COPA: variants seen among roughly 807,000 people sequenced by gnomAD.
COPA encodes the protein coatomer subunit alpha.
Under a neutral mutation model 158.7 loss-of-function variants are expected in COPA, and 10 were observed. The observed-to-expected ratio is 0.06, with a 90% CI of 0.04 to 0.11. COPA has a LOEUF of 0.11. COPA is among the 10% of genes least tolerant of loss of function. The pLI, the probability that COPA is intolerant of heterozygous loss-of-function variation, is 1.00. For synonymous variants in COPA, 462 were observed against 542.8 expected, an observed-to-expected ratio of 0.85 and a Z score of 2.07; for missense variants, 1,065 against 1,536.7, an observed-to-expected ratio of 0.69 and a Z score of 5.13.
chr1:160,331,419 G>A (rs184971832), intron 6 of COPA, among the ~76,000 whole-genome samples: 26 of 151,902 alleles, frequency 1.7e-4, no homozygotes, highest in Non-Finnish European at 3.5e-4. Context: ...TTGGGAGGCT[G>A]AGGCAGGAGA....
chr1:160,301,869 T>A (rs1658616914), intron 17 of COPA, among the ~76,000 whole-genome samples: 1 of 151,600 alleles, frequency 6.6e-6, no homozygotes, highest in South Asian at 2.1e-4. Context: ...AAAAAAAAAC[T>A]CTTAGCAAAA....
chr1:160,335,367 C>CCCT (rs1477977075), intron 3 of COPA, 45 bp from the exon 4 acceptor site: 4 of 1,493,588 alleles, frequency 2.7e-6, no homozygotes, highest in Non-Finnish European at 2.7e-6. Flanking sequence ...GTTATTGAGC[C>CCCT]TCTAAAAGGC....
chr1:160,309,238 A>G (rs2101840968), intron 12 of COPA, 62 bp from the exon 13 acceptor site: 2 of 1,262,074 alleles, frequency 1.6e-6, no homozygotes, highest in South Asian at 1.2e-5. Flanking sequence ...CAGTTTTCCA[A>G]TTTACTCTGA....
intron 7 of COPA, 85 bp from the exon 8 acceptor site, chr1:160,323,615 AT>A: frequency 9.6e-7 from 1 of 1,039,218 alleles, no homozygotes; most frequent in Non-Finnish European, 1.4e-6. Context: ...GTTGTAAAAA[AT>A]GTCTCTGATT....
chr1:160,336,578 T>A (rs1433421904), intron 3 of COPA, among the ~76,000 whole-genome samples: 1 of 152,076 alleles, frequency 6.6e-6, no homozygotes, highest in Admixed American at 6.5e-5. Context: ...ACTACCAAAG[T>A]ACTAGGCATC....
At chr1:160,338,632 T>A (rs978458511) in intron 3 of COPA, among the ~76,000 whole-genome samples, 1 of 152,182 alleles carries the variant, frequency 6.6e-6, no homozygotes, top group Admixed American at 6.5e-5. Context: ...TCTGTCTGCT[T>A]CCTCATTTCA....
chr1:160,306,263 A>C, intron 15 of COPA, 91 bp downstream of exon 15: 1 of 1,457,612 alleles, frequency 6.9e-7, no homozygotes. Context: ...AAGCCACAAG[A>C]CAAACTCACT....
At chr1:160,297,214 G>A in intron 21 of COPA, 129 bp downstream of exon 21, 1 of 793,082 alleles carries the variant, frequency 1.3e-6, no homozygotes, top group Non-Finnish European at 2.1e-6. Flanking sequence ...CACAGTAGGA[G>A]CATGTTGTCT....
intron 17 of COPA, 144 bp from the exon 18 acceptor site, chr1:160,299,408 T>A: frequency 1.4e-6 from 1 of 728,764 alleles, no homozygotes; most frequent in Non-Finnish European, 2.2e-6. Flanking sequence ...AGAGCAGAAC[T>A]AAATGCCAAA....
chr1:160,297,784 C>T (rs762665081), intron 19 of COPA, 39 bp from the exon 20 acceptor site: 6 of 1,593,610 alleles, frequency 3.8e-6, no homozygotes, highest in Middle Eastern at 1.7e-4. Flanking sequence ...GGTTGAAGGA[C>T]AATGTGACTC....
chr1:160,316,911 G>A (rs768899132), intron 8 of COPA, among the ~76,000 whole-genome samples: 1 of 152,094 alleles, frequency 6.6e-6, no homozygotes, highest in Non-Finnish European at 1.5e-5. Flanking sequence ...TCCAACCCAA[G>A]TAAGACTACC....
intron 10 of COPA, among the ~76,000 whole-genome samples, chr1:160,312,245 G>A (rs1458666111): frequency 1.3e-5 from 2 of 152,038 alleles, no homozygotes; most frequent in East Asian, 3.8e-4. Flanking sequence ...TATCCACACT[G>A]CCCTTTTCTG....
chr1:160,320,435 C>T (rs1659293346), intron 8 of COPA, among the ~76,000 whole-genome samples: 1 of 151,502 alleles, frequency 6.6e-6, no homozygotes, highest in South Asian at 2.1e-4. Flanking sequence ...CATGGCAAAA[C>T]CCTGTCTCTA....
At chr1:160,307,539 AC>A (rs1186282973) in intron 13 of COPA, among the ~76,000 whole-genome samples, 1 of 152,124 alleles carries the variant, frequency 6.6e-6, no homozygotes, top group Non-Finnish European at 1.5e-5. Context: ...GAGACAGCAC[AC>A]TCCATCAAGC....
At chr1:160,299,912 A>G (rs1260461552) in intron 17 of COPA, among the ~76,000 whole-genome samples, 4 of 152,224 alleles carry the variant, frequency 2.6e-5, no homozygotes, top group Non-Finnish European at 4.4e-5. Context: ...ACTACAGTAG[A>G]GAAGTTCAAT....
At chr1:160,312,055 G>A (rs1658986195) in intron 10 of COPA, 37 bp from the exon 11 acceptor site, 1 of 1,597,576 alleles carries the variant, frequency 6.3e-7, no homozygotes, top group Non-Finnish European at 8.5e-7. Flanking sequence ...AAATTAAGCT[G>A]TAGGCAAGAA....
chr1:160,301,611 A>C (rs1224847606), intron 17 of COPA, among the ~76,000 whole-genome samples: 1 of 151,946 alleles, frequency 6.6e-6, no homozygotes, highest in African/African-American at 2.4e-5. Flanking sequence ...CATCACTACA[A>C]AAAAAACAAA....
intron 31 of COPA, 45 bp from the exon 32 acceptor site, chr1:160,290,731 A>C: frequency 6.3e-7 from 1 of 1,575,086 alleles, no homozygotes; most frequent in South Asian, 1.1e-5. Flanking sequence ...GGCTGCAGAC[A>C]ACACCTCAAA....
intron 8 of COPA, among the ~76,000 whole-genome samples, chr1:160,320,129 G>A (rs935649688): frequency 6.6e-6 from 1 of 151,968 alleles, no homozygotes; most frequent in Non-Finnish European, 1.5e-5. Flanking sequence ...CAAACTGTTA[G>A]CTAGACCAAC....
Sources: allele counts gnomAD v4.1 joint callset (sites outside exome capture counted in the v4.1 genomes callset), GRCh38; gene constraint gnomAD v4.1.1; transcripts MANE v1.5; gene names NCBI Gene and HGNC (gene_info 2026-07-23, HGNC 2026-07-21).